RYR2: variants seen among roughly 807,000 people sequenced by gnomAD.
RYR2 encodes ryanodine receptor 2, also known as cardiac muscle ryanodine receptor-calcium release channel.
A neutral mutation model predicts 601.1 loss-of-function variants in RYR2; 227 were observed. That is an observed-to-expected ratio of 0.38 (90% CI 0.34 to 0.42). The LOEUF is 0.42. Among genes scored for constraint, RYR2 ranks in the 10% least tolerant of loss-of-function variants. The probability of loss-of-function intolerance (pLI) is 1.00; values close to 1 mark genes in which losing one functional copy is unlikely to be tolerated. For synonymous variants in RYR2, 2,223 were observed against 2,175.1 expected (o/e 1.02, Z -0.61); for missense variants, 4,646 against 6,156.5 (o/e 0.75, Z 8.21).
intron 1 of RYR2, among the ~76,000 whole-genome samples, chr1:237,146,200 A>G (rs1396518583): frequency 6.6e-6 from 1 of 152,220 alleles, no homozygotes; most frequent in Non-Finnish European, 1.5e-5. Context: ...ATCAGATGGT[A>G]GGGTTTGGAA....
At chr1:237,383,472 T>G (rs187812838) in intron 8 of RYR2, among the ~76,000 whole-genome samples, 5 of 125,788 alleles carry the variant, frequency 4.0e-5, no homozygotes, top group Non-Finnish European at 8.1e-5. Flanking sequence ...CTCTGTCGCC[T>G]AGGCTGGAGT....
rs1290223797 is a variant in RYR2, at chr1:237,180,638, A to ATGTGTATATG, written c.49-89856_49-89855insGTATATGTGT. Among the ~76,000 whole-genome samples, 1 of 89,748 alleles carries ATGTGTATATG rather than the reference A, an allele frequency of 1.1e-5. No homozygotes were observed. Among genetic ancestry groups the ATGTGTATATG allele is most frequent in the Non-Finnish European group, 2.0e-5 (1 of 49,108 alleles). 58.9% of individuals were successfully genotyped at this position (89,748 alleles called of 152,430 possible). Reference sequence around the variant, plus strand: ...TATGTATATATGTATATGTGTATATATGTATATGTATATGTGTATATATGT... The same window carrying ATGTGTATATG: ...TATGTATATATGTATATGTGTATATATGTGTATATGTGTATATGTATATGTGTATATATGT... On this transcript the variant is annotated intron_variant, in intron 1 of 104. Transcript: ENST00000366574. The surrounding 1 kb of genome is among the most constrained non-coding windows in gnomAD (Gnocchi z 5.3).
chr1:237,670,021 C>G (rs2148890494), intron 58 of RYR2, among the ~76,000 whole-genome samples: 1 of 152,218 alleles, frequency 6.6e-6, no homozygotes, highest in South Asian at 2.1e-4. Context: ...GTGAACGAGA[C>G]TCCGTCTGCA....
chr1:237,246,556 C>T (rs966888300), intron 1 of RYR2, among the ~76,000 whole-genome samples: 2 of 152,160 alleles, frequency 1.3e-5, no homozygotes, highest in African/African-American at 4.8e-5. Context: ...CCTGCTTCAG[C>T]CTCCCGAGTA....
At chr1:237,112,115 CTT>C (rs1010265949) in intron 1 of RYR2, among the ~76,000 whole-genome samples, 2 of 152,058 alleles carry the variant, frequency 1.3e-5, no homozygotes, top group Non-Finnish European at 2.9e-5. Flanking sequence ...TTCCCCTACT[CTT>C]TTGTTTGTTT....
At chr1:237,302,270 CATA>C (rs1386497052) in intron 2 of RYR2, among the ~76,000 whole-genome samples, 35 of 152,250 alleles carry the variant, frequency 2.3e-4, no homozygotes, top group African/African-American at 7.7e-4. Context: ...GAAACTTTTA[CATA>C]TTTTGCTTCC....
chr1:237,530,909 CA>C (rs71180034), intron 25 of RYR2, among the ~76,000 whole-genome samples: 8,454 of 145,664 alleles, frequency 0.058, 290 homozygotes, highest in Middle Eastern at 0.17. Flanking sequence ...GACTCCATCT[CA>C]AAAAAAAAAA....
chr1:237,755,027 A>AC (rs1326687316), intron 80 of RYR2: 6 of 1,259,148 alleles, frequency 4.8e-6, no homozygotes, highest in Non-Finnish European at 6.2e-6. Context: ...CTATAGTGTG[A>AC]CAAAAAAAAC....
chr1:237,325,394 A>T (rs1696051629), intron 2 of RYR2, among the ~76,000 whole-genome samples: 1 of 152,254 alleles, frequency 6.6e-6, no homozygotes, highest in South Asian at 2.1e-4. Context: ...GTAAATGCAT[A>T]GAAAAAGGAC....
In RYR2 at chr1:237,426,466, A is replaced by G. The variant is rs531399067; in HGVS notation, c.1005+3218A>G. ...CTTCTTTCTTAAATCTAGCTAGCAG[A>G]GGGGTGGGAATTTGCTAGTTTATCT... On this transcript the variant is annotated intron_variant, in intron 12 of 104. Transcript: ENST00000366574. Among the ~76,000 whole-genome samples, 9 of 152,064 alleles carry G rather than the reference A, an allele frequency of 5.9e-5. No individual in the cohort carries two copies. In the South Asian group the frequency reaches 1.9e-3, roughly 32 times the overall value.
chr1:237,768,480 T>A (rs1309589125), intron 84 of RYR2, among the ~76,000 whole-genome samples: 1 of 152,158 alleles, frequency 6.6e-6, no homozygotes, highest in African/African-American at 2.4e-5. Flanking sequence ...GTATTAAAAA[T>A]CTTAAGCCTC....
intron 1 of RYR2, among the ~76,000 whole-genome samples, chr1:237,204,252 A>C (rs573063426): frequency 6.6e-6 from 1 of 151,648 alleles, no homozygotes; most frequent in African/African-American, 2.4e-5. Context: ...CAGGTGATCC[A>C]CCCGCCTTGG....
rs752970338 is a variant in RYR2, at chr1:237,590,672, C to A, written c.3840C>A (p.Ser1280=). The change falls in exon 31 of 105, where the codon TCC becomes TCA. Residue 1280 remains serine (S), a synonymous_variant. Transcript: ENST00000366574. The part of the protein sequence containing the change: ...VTRIDGTIDS[S]PCLKVTQKSF... Reference sequence around the variant, plus strand: ...GAATAGACGGCACCATAGACAGTTCCCCATGTTTAAAGGTCACTCAGAAGT... The same window carrying A: ...GAATAGACGGCACCATAGACAGTTCACCATGTTTAAAGGTCACTCAGAAGT... 2 of 1,564,422 alleles carry A rather than the reference C, an allele frequency of 1.3e-6. No individual in the cohort carries two copies. Among genetic ancestry groups the A allele is most frequent in the East Asian group, 2.3e-5 (1 of 44,396 alleles).
chr1:237,503,538 T>C, intron 22 of RYR2, 33 bp downstream of exon 22: 1 of 1,596,552 alleles, frequency 6.3e-7, no homozygotes, highest in Admixed American at 1.7e-5. Flanking sequence ...CAATCACTGG[T>C]ATTGCAGTCA....
In RYR2 at chr1:237,307,768, T is replaced by C. The variant is rs190703812; in HGVS notation, c.169-23110T>C. Among the ~76,000 whole-genome samples the C allele has an allele frequency of 4.6e-5, 7 of 152,360 alleles. No homozygotes were observed. In the South Asian group the frequency reaches 8.3e-4, roughly 18 times the overall value. On this transcript the variant is annotated intron_variant, in intron 2 of 104. Coordinates refer to ENST00000366574, the MANE Select transcript of RYR2 (RefSeq NM_001035.3). The stretch of plus-strand genomic sequence containing the variant: ...ACCCAGTTTATTGTGACTTTACATA[T>C]ATGTAAGTTAATTTGGGCTATTAAT...
chr1:237,163,539 A>G (rs1351524058), intron 1 of RYR2, among the ~76,000 whole-genome samples: 3 of 152,076 alleles, frequency 2.0e-5, no homozygotes, highest in Non-Finnish European at 4.4e-5. Context: ...CGTACATCTC[A>G]TTAGGTTAAG....
At chr1:237,211,433 T>G (rs142939915) in intron 1 of RYR2, among the ~76,000 whole-genome samples, 1 of 152,362 alleles carries the variant, frequency 6.6e-6, no homozygotes, top group East Asian at 1.9e-4. Flanking sequence ...CTTCTGATTT[T>G]TTTCAGAGTT....
intron 42 of RYR2, 39 bp from the exon 43 acceptor site, chr1:237,633,539 C>T (rs749367415): frequency 1.4e-5 from 23 of 1,612,004 alleles, no homozygotes; most frequent in Middle Eastern, 1.6e-4. Flanking sequence ...TTATAAAGGT[C>T]GTTTGCTTTC....
At chr1:237,138,897 G>A (rs1171625382) in intron 1 of RYR2, among the ~76,000 whole-genome samples, 1 of 152,202 alleles carries the variant, frequency 6.6e-6, no homozygotes, top group Non-Finnish European at 1.5e-5. Context: ...GCAGACAAGT[G>A]TTGTCAAGGC....
Sources: allele counts gnomAD v4.1 joint callset (sites outside exome capture counted in the v4.1 genomes callset), GRCh38; gene constraint gnomAD v4.1.1; non-coding constraint Gnocchi (gnomAD v3.1); transcripts MANE v1.5; gene names NCBI Gene and HGNC (gene_info 2026-07-23, HGNC 2026-07-21).